The following EFCAB8 variants were observed in gnomAD, a reference collection of about 807,000 sequenced individuals.
EFCAB8 encodes the protein EF-hand calcium-binding domain-containing protein 8.
EFCAB8 carries 100 observed loss-of-function variants against 116.3 expected under a neutral mutation model. The ratio of observed to expected loss-of-function variants is 0.86; its 90% CI spans 0.73 to 1.02. The LOEUF (loss-of-function observed/expected upper bound fraction) is 1.02, where lower values mean the gene tolerates loss of function less well. Ranked by LOEUF, EFCAB8 falls within the 50% of genes least tolerant of loss-of-function variation. The probability of loss-of-function intolerance (pLI) is 0.00; values close to 1 mark genes in which losing one functional copy is unlikely to be tolerated. For missense variants in EFCAB8, 1,320 were observed against 1,416.9 expected (o/e 0.93, Z 1.10); for synonymous variants, 558 against 567.9 (o/e 0.98, Z 0.25).
At chr20:32,892,793 G>A (rs1003603434) in intron 8 of EFCAB8, among the ~76,000 whole-genome samples, 2 of 151,416 alleles carry the variant, frequency 1.3e-5, no homozygotes, top group African/African-American at 2.4e-5. Context: ...GAGGGAAGCT[G>A]TTGGGGGGCC....
intron 15 of EFCAB8, 26 bp from the exon 16 acceptor site, chr20:32,911,454 A>G: frequency 6.9e-7 from 1 of 1,446,436 alleles, no homozygotes; most frequent in Non-Finnish European, 9.1e-7. Context: ...CCTCTCCAGC[A>G]GCCCCCAGCT....
intron 7 of EFCAB8, 108 bp downstream of exon 7, chr20:32,889,514 C>G (rs1048683436): frequency 5.3e-6 from 6 of 1,139,118 alleles, no homozygotes; most frequent in Non-Finnish European, 6.4e-6. Flanking sequence ...ATCAGAGCCC[C>G]CTGGGAGGAT....
At chr20:32,866,343 C>T (rs996237407) in intron 2 of EFCAB8, among the ~76,000 whole-genome samples, 6 of 152,202 alleles carry the variant, frequency 3.9e-5, no homozygotes, top group Admixed American at 2.0e-4. Context: ...CAATGTGTCT[C>T]AGTGAGCAGG....
At chr20:32,881,417 G>C (rs1187294559) in intron 5 of EFCAB8, among the ~76,000 whole-genome samples, 2 of 152,042 alleles carry the variant, frequency 1.3e-5, no homozygotes, top group African/African-American at 4.8e-5. Flanking sequence ...GGCTGGTCTC[G>C]AACTCCTGAC....
At chr20:32,926,560 G>A (rs1345902747) in intron 20 of EFCAB8, among the ~76,000 whole-genome samples, 1 of 147,832 alleles carries the variant, frequency 6.8e-6, no homozygotes, top group Non-Finnish European at 1.5e-5. Flanking sequence ...TGCACAATGT[G>A]CAGGTTAGTT....
chr20:32,886,247 C>G (rs1321018357), intron 6 of EFCAB8, among the ~76,000 whole-genome samples: 1 of 152,188 alleles, frequency 6.6e-6, no homozygotes, highest in Non-Finnish European at 1.5e-5. Context: ...TGACATAATA[C>G]ATGTGTAGTG....
At chr20:32,892,887 CTG>C (rs1985986257) in intron 8 of EFCAB8, among the ~76,000 whole-genome samples, 1 of 149,820 alleles carries the variant, frequency 6.7e-6, no homozygotes, top group African/African-American at 2.5e-5. Flanking sequence ...GTGTCCCAGG[CTG>C]GAGTGCAGTG....
intron 18 of EFCAB8, 115 bp downstream of exon 18, chr20:32,917,620 G>A: frequency 8.3e-7 from 1 of 1,201,682 alleles, no homozygotes; most frequent in African/African-American, 1.5e-5. Flanking sequence ...ATGGCGACTT[G>A]TTCTGGATGG....
chr20:32,892,938 T>C (rs954379122), intron 8 of EFCAB8, among the ~76,000 whole-genome samples: 3 of 151,786 alleles, frequency 2.0e-5, no homozygotes, highest in African/African-American at 7.3e-5. Flanking sequence ...CCTGCCGGGT[T>C]CAAGTGATTC....
intron 6 of EFCAB8, 115 bp from the exon 7 acceptor site, chr20:32,889,186 C>A: frequency 3.6e-6 from 3 of 826,594 alleles, no homozygotes; most frequent in Non-Finnish European, 3.9e-6. Context: ...TAGTGCTAGG[C>A]TCCATGCCAG....
intron 4 of EFCAB8, 72 bp from the exon 5 acceptor site, chr20:32,878,632 C>A: frequency 1.6e-6 from 2 of 1,245,792 alleles, no homozygotes; most frequent in African/African-American, 1.5e-5. Context: ...ATTCTCCTGC[C>A]GAGTTCTTGA....
chr20:32,862,019 C>T (rs909998443), intron 1 of EFCAB8, among the ~76,000 whole-genome samples: 10 of 152,132 alleles, frequency 6.6e-5, no homozygotes, highest in Non-Finnish European at 1.5e-4. Context: ...CACTTTGTAG[C>T]GTCCCATTCT....
intron 23 of EFCAB8, among the ~76,000 whole-genome samples, chr20:32,953,015 T>C (rs1236055545): frequency 6.6e-6 from 1 of 152,186 alleles, no homozygotes; most frequent in African/African-American, 2.4e-5. Context: ...ATCATTCAAC[T>C]TTCTGTTTCT....
intron 23 of EFCAB8, among the ~76,000 whole-genome samples, chr20:32,947,682 T>G (rs1988638186): frequency 6.6e-6 from 1 of 152,006 alleles, no homozygotes; most frequent in Non-Finnish European, 1.5e-5. Context: ...ATTTCAAAAT[T>G]TATGAGATGC....
At chr20:32,877,129 G>A (rs572231885) in intron 4 of EFCAB8, among the ~76,000 whole-genome samples, 5 of 151,592 alleles carry the variant, frequency 3.3e-5, no homozygotes, top group Admixed American at 1.3e-4. Flanking sequence ...GTTAACTGCC[G>A]TCTCATAGCT....
At chr20:32,914,484 C>A (rs1987090443) in intron 17 of EFCAB8, among the ~76,000 whole-genome samples, 1 of 152,178 alleles carries the variant, frequency 6.6e-6, no homozygotes, top group African/African-American at 2.4e-5. Context: ...AGTTTGTTTT[C>A]ACACTGCTAT....
At chr20:32,859,595 T>C (rs1287017287) in intron 1 of EFCAB8, among the ~76,000 whole-genome samples, 1 of 152,216 alleles carries the variant, frequency 6.6e-6, no homozygotes, top group African/African-American at 2.4e-5. Context: ...TTTGAAATAA[T>C]TAAAAATATA....
chr20:32,859,532 A>G (rs1322845097), intron 1 of EFCAB8, among the ~76,000 whole-genome samples: 1 of 152,226 alleles, frequency 6.6e-6, no homozygotes, highest in Non-Finnish European at 1.5e-5. Context: ...TCATGAACAT[A>G]CATAGAACCA....
At position 32,930,394 on chromosome 20, in the gene EFCAB8, T is replaced by G; in HGVS notation, c.2413-4T>G. The G allele has an allele frequency of 1.3e-6, 2 of 1,549,410 alleles. No homozygotes were observed. Among genetic ancestry groups the G allele is most frequent in the Non-Finnish European group, 1.7e-6 (2 of 1,146,734 alleles). On this transcript the variant is annotated splice_polypyrimidine_tract_variant and splice_region_variant and intron_variant, in intron 20 of 26. Coordinates refer to ENST00000400522, the MANE Select transcript of EFCAB8 (RefSeq NM_001143967.2). ...GCTGAGCCGGGCCCTCCTCTCTTCC[T>G]CAGATAATCTTCCTGCAGACCAGGC...
Sources: allele counts gnomAD v4.1 joint callset (sites outside exome capture counted in the v4.1 genomes callset), GRCh38; gene constraint gnomAD v4.1.1; transcripts MANE v1.5; gene names NCBI Gene and HGNC (gene_info 2026-07-23, HGNC 2026-07-21).